Variants in CCDC117 observed in about 807,000 individuals in gnomAD.
CCDC117 encodes coiled-coil domain-containing protein 117.
Under a neutral mutation model 23.5 loss-of-function variants are expected in CCDC117, and 1 was observed. That is an observed-to-expected ratio of 0.04 (90% CI 0.02 to 0.20). The LOEUF (loss-of-function observed/expected upper bound fraction) is 0.20. CCDC117 is among the 10% of genes least tolerant of loss of function. CCDC117 has a pLI of 1.00. For missense variants in CCDC117, 383 were observed against 348.2 expected, an observed-to-expected ratio of 1.10 and a Z score of -0.80; for synonymous variants, 132 against 124.8, an observed-to-expected ratio of 1.06 and a Z score of -0.39.
chr22:28,773,514 A>T (rs1569196118), intron 1 of CCDC117: 1 of 589,138 alleles, frequency 1.7e-6, no homozygotes, highest in Non-Finnish European at 3.1e-6. Flanking sequence ...CATTACGTTG[A>T]TAAAAGGACA....
At chr22:28,780,360 G>A (rs1290196958) in intron 2 of CCDC117, among the ~76,000 whole-genome samples, 1 of 152,186 alleles carries the variant, frequency 6.6e-6, no homozygotes, top group African/African-American at 2.4e-5. Context: ...AACCTCATGA[G>A]ACATGTTTTT....
rs2031515482 is a variant in CCDC117, at chr22:28,786,481, C to T, written c.*155C>T. ...GGGGTGGGACTCTTATTTTGGGTAG[C>T]CATTTATTGACTTCACCTTTTTGCC... On this transcript the variant is annotated 3_prime_UTR_variant, in exon 5 of 5. Coordinates refer to ENST00000249064, the MANE Select transcript of CCDC117 (RefSeq NM_173510.4). 2 of 580,774 alleles carry T rather than the reference C, an allele frequency of 3.4e-6. No individual in the cohort carries two copies. Among genetic ancestry groups the T allele is most frequent in the South Asian group, 2.4e-5 (1 of 41,692 alleles). The allele number at this position is 580,774 out of a possible 1,614,324, so 36.0% of individuals were successfully genotyped here.
intron 4 of CCDC117, among the ~76,000 whole-genome samples, chr22:28,785,171 A>G (rs891424380): frequency 3.6e-5 from 5 of 137,198 alleles, no homozygotes; most frequent in African/African-American, 1.5e-4. Flanking sequence ...TGCCTTAACC[A>G]TGAAGCTTGT....
intron 2 of CCDC117, among the ~76,000 whole-genome samples, chr22:28,780,486 C>G (rs1173625485): frequency 6.6e-6 from 1 of 151,992 alleles, no homozygotes; most frequent in East Asian, 1.9e-4. Context: ...TTTTTTCATT[C>G]ATTCATTCAT....
intron 4 of CCDC117, among the ~76,000 whole-genome samples, chr22:28,784,877 TCTC>T (rs1462261516): frequency 1.3e-5 from 2 of 151,850 alleles, no homozygotes; most frequent in Non-Finnish European, 2.9e-5. Flanking sequence ...TTCACGCCAT[TCTC>T]CTGCTCAGCC....
intron 4 of CCDC117, among the ~76,000 whole-genome samples, chr22:28,784,449 T>C (rs1037582316): frequency 6.6e-6 from 1 of 152,228 alleles, no homozygotes; most frequent in Non-Finnish European, 1.5e-5. Flanking sequence ...AGACTTTAGA[T>C]CGAGTTGGCA....
At chr22:28,783,446 C>A (rs948813337) in intron 3 of CCDC117, 62 bp from the exon 4 acceptor site, 1 of 1,515,522 alleles carries the variant, frequency 6.6e-7, no homozygotes, top group African/African-American at 1.4e-5. Flanking sequence ...TGTCCAAATA[C>A]TAGAATATAT....
intron 2 of CCDC117, among the ~76,000 whole-genome samples, chr22:28,775,725 C>G (rs1243183482): frequency 6.6e-6 from 1 of 151,872 alleles, no homozygotes; most frequent in Non-Finnish European, 1.5e-5. Flanking sequence ...GATGAAACCC[C>G]GTCTCTGCTA....
rs2031536298 is a variant in CCDC117 at position 28,787,117 on chromosome 22, T to G, written c.*791T>G. ...GGGAGAAGCATCCTTTAGTTCATCT[T>G]AAGGAAGTGCTTTATCAGCTAAACC... is the stretch of plus-strand genomic sequence containing the variant. On this transcript the variant is annotated 3_prime_UTR_variant, in exon 5 of 5. Coordinates refer to ENST00000249064, the MANE Select transcript of CCDC117 (RefSeq NM_173510.4). The G allele has an allele frequency of 6.6e-6, 1 of 152,584 alleles. No homozygotes were observed. Among genetic ancestry groups the G allele is most frequent in the Non-Finnish European group, 1.5e-5 (1 of 68,040 alleles). 9.5% of individuals were successfully genotyped at this position (152,584 alleles called of 1,614,324 possible). A position where few individuals can be genotyped will look rare whatever the true frequency, so the allele number is the denominator to read the frequency against.
intron 3 of CCDC117, among the ~76,000 whole-genome samples, 153 bp downstream of exon 3, chr22:28,781,325 TTTTTG>T (rs760858945): frequency 0.012 from 1,302 of 111,482 alleles, 45 homozygotes; most frequent in Non-Finnish European, 0.016. Context: ...CGTTTTTGTT[TTTTTG>T]TTTTGTTTTT....
At chr22:28,778,222 G>A (rs2031225619) in intron 2 of CCDC117, among the ~76,000 whole-genome samples, 1 of 152,150 alleles carries the variant, frequency 6.6e-6, no homozygotes, top group African/African-American at 2.4e-5. Flanking sequence ...TTAACTTTGT[G>A]TATGATTCTT....
chr22:28,786,933 TAG>T lies in CCDC117; in HGVS notation c.*611_*612del. 1 of 152,670 alleles carries T rather than the reference TAG, an allele frequency of 6.6e-6. No homozygotes were observed. The highest frequency in any genetic ancestry group is 2.1e-4 in the South Asian group (1 of 4,832). The allele number at this position is 152,670 out of a possible 1,614,324, so 9.5% of individuals were successfully genotyped here. A position where few individuals can be genotyped will look rare whatever the true frequency, so the allele number is the denominator to read the frequency against. On this transcript the variant is annotated 3_prime_UTR_variant, in exon 5 of 5. Coordinates refer to ENST00000249064, the MANE Select transcript of CCDC117 (RefSeq NM_173510.4). The stretch of plus-strand genomic sequence containing the variant: ...GCTCTCCTCTTTGACTATGAAAATA[TAG>T]AGAAAGTTTTTTCTTTAAGGCTTTT...
chr22:28,773,753 A>G lies in CCDC117; in HGVS notation c.214A>G (p.Lys72Glu), dbSNP rs2031073271. The change falls in exon 2 of 5, where the codon AAG becomes GAG. Residue 72 changes from lysine to glutamate, a missense_variant. Transcript: ENST00000249064. Reference protein sequence around the residue: ...RVSVHCKKKHKREEEEDDDCP... With the variant: ...RVSVHCKKKHEREEEEDDDCP... ...TTCTGTTCACTGTAAAAAGAAACAC[A>G]AGCGAGAGGAGGAGGAGGATGATGA... 1 of 1,614,054 alleles carries G rather than the reference A, an allele frequency of 6.2e-7. No homozygotes were observed. The highest frequency in any genetic ancestry group is 1.3e-5 in the African/African-American group (1 of 75,060).
At chr22:28,777,482 A>G in intron 2 of CCDC117, among the ~76,000 whole-genome samples, 1 of 151,796 alleles carries the variant, frequency 6.6e-6, no homozygotes, top group Admixed American at 6.6e-5. Flanking sequence ...TTTGTTAATT[A>G]TAAGTGATAC....
chr22:28,776,278 G>A lies in CCDC117; in HGVS notation c.239+2500G>A, dbSNP rs922105276. On this transcript the variant is annotated intron_variant, in intron 2 of 4. Coordinates refer to ENST00000249064, the MANE Select transcript of CCDC117 (RefSeq NM_173510.4). ...AAAGAAATAGCTGGTGTGGTGGTGC[G>A]CCCCTGTGATCCCAGCCACTCCAGA... Among the ~76,000 whole-genome samples the A allele has an allele frequency of 7.2e-5, 11 of 152,148 alleles. No homozygotes were observed. The East Asian group carries it at 9.7e-4, about 13-fold the overall frequency.
Position 28,772,733 on chromosome 22 carries a change from G to C in CCDC117, c.-117G>C, listed in dbSNP as rs2146241014. ...TGGAGGGTTCTAGAAGGCGTGACGT[G>C]GGGTCGAGAGCGGGATCCGAGGCTG... On this transcript the variant is annotated 5_prime_UTR_variant, in exon 1 of 5. Transcript: ENST00000249064. 1.3e-6 allele frequency: 1 copy of C among 789,444 alleles called. No homozygotes were observed. The highest frequency in any genetic ancestry group is 1.7e-6 in the Non-Finnish European group (1 of 593,088). 48.9% of individuals were successfully genotyped at this position (789,444 alleles called of 1,614,324 possible). A position where few individuals can be genotyped will look rare whatever the true frequency, so the allele number is the denominator to read the frequency against.
rs146455172 is a variant in CCDC117 at position 28,779,748 on chromosome 22, A to ACATG, written c.240-1198_240-1195dup. 2.2e-3 allele frequency among the ~76,000 whole-genome samples: 339 copies of ACATG among 152,330 alleles called. 3 individuals carry two copies. Among genetic ancestry groups the ACATG allele is most frequent in the African/African-American group, 7.9e-3 (329 of 41,586 alleles). On this transcript the variant is annotated intron_variant, in intron 2 of 4. Transcript: ENST00000249064. ...GAATAGAAATTTCTTTTTGTAAAAT[A>ACATG]CATGCCTCTTCTTTGGCCCTCAGTT...
At chr22:28,781,838 T>C (rs1049083053) in intron 3 of CCDC117, among the ~76,000 whole-genome samples, 2 of 151,242 alleles carry the variant, frequency 1.3e-5, no homozygotes, top group East Asian at 3.9e-4. Flanking sequence ...AGATGGGGTT[T>C]CTCCATTTTG....
chr22:28,785,429 C>T (rs912301840), intron 4 of CCDC117, among the ~76,000 whole-genome samples: 2 of 152,158 alleles, frequency 1.3e-5, no homozygotes, highest in African/African-American at 4.8e-5. Context: ...CTCAAACCAT[C>T]TGCCTGGCTT....
Sources: gnomAD v4.1 joint callset for allele counts (sites outside exome capture counted in the v4.1 genomes callset) on GRCh38, gnomAD v4.1.1 for gene constraint, MANE v1.5 for transcripts, NCBI Gene and HGNC (gene_info 2026-07-23, HGNC 2026-07-21) for gene names.